Variants in ATP12A observed in about 807,000 individuals in gnomAD.
ATP12A encodes the protein potassium-transporting ATPase alpha chain 2.
Under a neutral mutation model 111.2 loss-of-function variants are expected in ATP12A, and 81 were observed. The observed-to-expected ratio is 0.73, with a 90% confidence interval of 0.61 to 0.88. The LOEUF (loss-of-function observed/expected upper bound fraction) is 0.88. Ranked by LOEUF, ATP12A falls within the 40% of genes least tolerant of loss-of-function variation. The probability of loss-of-function intolerance (pLI) is 0.00; values close to 1 mark genes in which losing one functional copy is unlikely to be tolerated. For missense variants in ATP12A, 1,196 were observed against 1,313.1 expected (o/e 0.91, Z 1.38); for synonymous variants, 498 against 499.8 (o/e 1.00, Z 0.05).
At chr13:24,705,377 A>G (rs1003619846) in intron 14 of ATP12A, among the ~76,000 whole-genome samples, 4 of 152,184 alleles carry the variant, frequency 2.6e-5, no homozygotes, top group Non-Finnish European at 4.4e-5. Flanking sequence ...CGCTGGCTAA[A>G]GTTAGGGATT....
chr13:24,689,976 G>A (rs910121571), intron 5 of ATP12A, among the ~76,000 whole-genome samples: 2 of 152,120 alleles, frequency 1.3e-5, no homozygotes, highest in Admixed American at 1.3e-4. Flanking sequence ...AGCCAGGATT[G>A]CTCACCCTTA....
In ATP12A at chr13:24,690,612, C is replaced by A; in HGVS notation, c.690C>A (p.Asn230Lys). The change falls in exon 7 of 23, where the codon AAC becomes AAA. Residue 230 changes from asparagine (N) to lysine (K), a missense_variant. Transcript: ENST00000381946. Reference sequence around the variant, plus strand: ...TTCAACATTTCTTCTAGGTGGATAACTCATCTCTCACGGGGGAGTCTGAGC... The same window carrying A: ...TTCAACATTTCTTCTAGGTGGATAAATCATCTCTCACGGGGGAGTCTGAGC... ...VLSSQGCRVD[N>K]SSLTGESEPQ... 6.2e-7 allele frequency: 1 copy of A among 1,611,546 alleles called. No homozygotes were observed. Among genetic ancestry groups the A allele is most frequent in the Non-Finnish European group, 8.5e-7 (1 of 1,178,918 alleles).
At position 24,685,263 on chromosome 13, in the gene ATP12A, A is replaced by G; in HGVS notation, c.169-51A>G. The G allele has an allele frequency of 6.4e-7, 1 of 1,566,332 alleles. No individual in the cohort carries two copies. On this transcript the variant is annotated intron_variant, in intron 2 of 22. Transcript: ENST00000381946. This position sits in a 1 kb window ranked among gnomAD's most constrained non-coding sequence, Gnocchi z 5.5. Reference sequence around the variant, plus strand: ...ATGGCTGGTCAAAGCTTGGGGCTTGAGTCTTTTGGAATTATCTAATTCACT... The same window carrying G: ...ATGGCTGGTCAAAGCTTGGGGCTTGGGTCTTTTGGAATTATCTAATTCACT...
chr13:24,701,501 C>CAAAAAAAAAAAAAAAAAAAAAAAAAA (rs10586421), intron 13 of ATP12A, among the ~76,000 whole-genome samples: 1 of 101,392 alleles, frequency 9.9e-6, no homozygotes, highest in African/African-American at 3.7e-5. Context: ...AACTCTGTCT[C>CAAAAAAAAAAAAAAAAAAAAAAAAAA]AAAAAAAAAA....
intron 13 of ATP12A, 28 bp from the exon 14 acceptor site, chr13:24,701,907 G>A (rs374075392): frequency 4.5e-5 from 72 of 1,613,870 alleles, no homozygotes; most frequent in East Asian, 2.0e-4. Flanking sequence ...TTCATTACCC[G>A]TGGGCCTTCT....
chr13:24,710,426 C>T (rs781749012), intron 19 of ATP12A, 34 bp from the exon 20 acceptor site: 23 of 1,610,774 alleles, frequency 1.4e-5, no homozygotes, highest in Non-Finnish European at 1.9e-5. Context: ...TTCCTTTAGG[C>T]CTCAAGGTCT....
At position 24,682,896 on chromosome 13, in the gene ATP12A, G is replaced by A. The variant is rs557184351; in HGVS notation, c.168+1176G>A. ...ATGAGATGAGGATTTTGTAATTCAC[G>A]TGCTTTAGGGGAGTACAATATTATT... On this transcript the variant is annotated intron_variant, in intron 2 of 22. Transcript: ENST00000381946. 2.2e-3 allele frequency among the ~76,000 whole-genome samples: 341 copies of A among 151,998 alleles called. 1 individual carries two copies. The highest frequency in any genetic ancestry group is 4.1e-3 in the Non-Finnish European group (281 of 68,006).
intron 20 of ATP12A, 46 bp downstream of exon 20, chr13:24,710,639 G>A: frequency 6.2e-7 from 1 of 1,612,572 alleles, no homozygotes. Flanking sequence ...GGCCTGCCGT[G>A]CAAGGATGAT....
intron 14 of ATP12A, chr13:24,704,329 TAA>T (rs1195991010): frequency 3.9e-5 from 6 of 152,288 alleles, no homozygotes; most frequent in African/African-American, 1.4e-4. Context: ...AAGTTGTATA[TAA>T]GATACCTTAT....
In ATP12A at chr13:24,711,631, ACAAGAGGAAATTTT is replaced by A. The variant is rs1465453315; in HGVS notation, c.*112_*125del. ...CAGTGCAGACATCGTCAAAATTCAGACAAGAGGAAATTTTCATGCAGAAAGCTGTATGCAGGATG... is the reference window on the plus strand; with the variant it reads ...CAGTGCAGACATCGTCAAAATTCAGACATGCAGAAAGCTGTATGCAGGATG... On this transcript the variant is annotated 3_prime_UTR_variant, in exon 23 of 23. Coordinates refer to ENST00000381946, the MANE Select transcript of ATP12A (RefSeq NM_001676.7). The A allele has an allele frequency of 9.8e-5, 144 of 1,475,820 alleles. No individual in the cohort carries two copies. Among genetic ancestry groups the A allele is most frequent in the Non-Finnish European group, 1.3e-4 (141 of 1,071,680 alleles). 91.4% of individuals were successfully genotyped at this position (1,475,820 alleles called of 1,614,324 possible).
chr13:24,708,934 A>G (rs981699422), intron 17 of ATP12A, among the ~76,000 whole-genome samples: 12 of 142,328 alleles, frequency 8.4e-5, no homozygotes, highest in African/African-American at 2.5e-4. Flanking sequence ...AGAAAGAAAG[A>G]AAGAAAGAAA....
At chr13:24,697,074 AGGGCAG>A (rs1875198650) in intron 11 of ATP12A, among the ~76,000 whole-genome samples, 1 of 152,232 alleles carries the variant, frequency 6.6e-6, no homozygotes, top group Non-Finnish European at 1.5e-5. Flanking sequence ...ACCATGATTA[AGGGCAG>A]GGACTCTGGA....
At chr13:24,683,156 C>A (rs1874544545) in intron 2 of ATP12A, among the ~76,000 whole-genome samples, 1 of 152,096 alleles carries the variant, frequency 6.6e-6, no homozygotes, top group Admixed American at 6.5e-5. Flanking sequence ...CGGGGTTTCC[C>A]CATGTTGGCC....
At chr13:24,708,221 T>C (rs1875755469) in intron 17 of ATP12A, among the ~76,000 whole-genome samples, 5 of 152,306 alleles carry the variant, frequency 3.3e-5, no homozygotes, top group Admixed American at 3.3e-4. Flanking sequence ...TGCCCTACAG[T>C]AATGTCACCT....
At chr13:24,706,275 G>T in intron 14 of ATP12A, 38 bp from the exon 15 acceptor site, 1 of 1,606,292 alleles carries the variant, frequency 6.2e-7, no homozygotes. Flanking sequence ...CCTAAGATCT[G>T]CCCTTGGGCC....
At position 24,708,948 on chromosome 13, in the gene ATP12A, A is replaced by AG. The variant is rs1566078331; in HGVS notation, c.2494-415dup. ...AAGAAAGAAAGAAAGAAAGAAAGAA[A>AG]GAAAGAAAGAAAGAAGGAAAGAGAA... On this transcript the variant is annotated intron_variant, in intron 17 of 22. Transcript: ENST00000381946. Among the ~76,000 whole-genome samples, 36 of 143,378 alleles carry AG rather than the reference A, an allele frequency of 2.5e-4. 2 individuals are homozygous for AG. Among genetic ancestry groups the AG allele is most frequent in the African/African-American group, 8.9e-4 (34 of 38,398 alleles). The allele number at this position is 143,378 out of a possible 152,430, so 94.1% of individuals were successfully genotyped here.
chr13:24,680,718 G>A lies in ATP12A; in HGVS notation c.-26G>A, dbSNP rs984197564. The A allele has an allele frequency of 1.2e-5, 18 of 1,500,622 alleles. No homozygotes were observed. Among genetic ancestry groups the A allele is most frequent in the Admixed American group, 1.1e-4 (5 of 47,554 alleles). 93.0% of individuals were successfully genotyped at this position (1,500,622 alleles called of 1,614,324 possible). ...GGTCCCGGATCCGCGCTCCACGCCC[G>A]CAGCCCGCGGCGCCACCAGCCCAGC... On this transcript the variant is annotated 5_prime_UTR_variant, in exon 1 of 23. Transcript: ENST00000381946.
At chr13:24,690,895 G>A in intron 7 of ATP12A, 87 bp from the exon 8 acceptor site, 10 of 1,551,204 alleles carry the variant, frequency 6.4e-6, no homozygotes, top group African/African-American at 1.4e-5. Flanking sequence ...CCTATCGATT[G>A]TGCCAGCCCC....
chr13:24,691,052 A>G lies in ATP12A; in HGVS notation c.870A>G (p.Ser290=). The G allele has an allele frequency of 6.2e-7, 1 of 1,614,252 alleles. No homozygotes were observed. Among genetic ancestry groups the G allele is most frequent in the Non-Finnish European group, 8.5e-7 (1 of 1,180,040 alleles). ...TIIGHIASLA[S]GVGNEKTPIA... ...TTGGCCATATTGCCTCATTGGCCTC[A>G]GGAGTTGGAAATGAGAAGACGCCCA... The change falls in exon 8 of 23, where the codon TCA becomes TCG. Residue 290 remains serine (S), a synonymous_variant. Transcript: ENST00000381946.
Sources: gnomAD v4.1 joint callset for allele counts (sites outside exome capture counted in the v4.1 genomes callset) on GRCh38, gnomAD v4.1.1 for gene constraint, Gnocchi (gnomAD v3.1) non-coding constraint, MANE v1.5 for transcripts, NCBI Gene and HGNC (gene_info 2026-07-23, HGNC 2026-07-21) for gene names.